GAREM1: variants seen among roughly 807,000 people sequenced by gnomAD.
GAREM1 encodes the protein GRB2 associated regulator of MAPK1 subtype 1.
GAREM1 carries 26 observed loss-of-function variants against 71.3 expected under a neutral mutation model. That is an observed-to-expected ratio of 0.36 (90% CI 0.27 to 0.51). The LOEUF (loss-of-function observed/expected upper bound fraction) is 0.51. Among genes scored for constraint, GAREM1 ranks in the 20% least tolerant of loss-of-function variants. The pLI is 0.95. For synonymous variants in GAREM1, 440 were observed against 433.2 expected (o/e 1.02, Z -0.20); for missense variants, 1,026 against 1,103.1 (o/e 0.93, Z 0.99).
chr18:32,299,256 T>C (rs376108776), intron 3 of GAREM1, among the ~76,000 whole-genome samples: 4 of 152,122 alleles, frequency 2.6e-5, no homozygotes, highest in African/African-American at 9.7e-5. Context: ...GGCTCATGCC[T>C]GTAATCCCAG....
chr18:32,470,267 C>T lies in GAREM1; in HGVS notation c.121+41G>A. ...CGCGCGCACACCCGCGTGGAGACGG[C>T]TGTCCTCGCCCGTCTGCCCCGCGCC... On this transcript the variant is annotated intron_variant, in intron 1 of 5. Transcript: ENST00000269209. The surrounding 1 kb of genome is among the most constrained non-coding windows in gnomAD (Gnocchi z 4.4). 6.9e-7 allele frequency: 1 copy of T among 1,456,578 alleles called. No individual in the cohort carries two copies. Among genetic ancestry groups the T allele is most frequent in the Non-Finnish European group, 9.1e-7 (1 of 1,098,862 alleles). 90.2% of individuals were successfully genotyped at this position (1,456,578 alleles called of 1,614,324 possible).
chr18:32,449,107 G>A (rs1020162637), intron 1 of GAREM1, among the ~76,000 whole-genome samples: 3 of 152,172 alleles, frequency 2.0e-5, no homozygotes, highest in South Asian at 2.1e-4. Context: ...TGGCTTCTCC[G>A]CTTTTCAGCC....
intron 1 of GAREM1, among the ~76,000 whole-genome samples, chr18:32,396,021 G>T (rs192063856): frequency 6.6e-6 from 1 of 152,212 alleles, no homozygotes. Flanking sequence ...TCGCTGTTCT[G>T]CAGCCTCCAC....
At chr18:32,374,774 T>C (rs2048016836) in intron 2 of GAREM1, among the ~76,000 whole-genome samples, 1 of 152,214 alleles carries the variant, frequency 6.6e-6, no homozygotes, top group Non-Finnish European at 1.5e-5. Flanking sequence ...GTATCTACCG[T>C]GTACCTGGCA....
In GAREM1 at chr18:32,287,224, A is replaced by G; in HGVS notation, c.1373T>C (p.Leu458Pro). 5.0e-6 allele frequency: 8 copies of G among 1,614,212 alleles called. No homozygotes were observed. The highest frequency in any genetic ancestry group is 6.8e-6 in the Non-Finnish European group (8 of 1,180,030). Reference protein sequence around the residue: ...KSELPYEELWLEEGKPSHQPL... With the variant: ...KSELPYEELWPEEGKPSHQPL... ...CTGATGGCTGGGCTTGCCTTCCTCCAGCCACAGCTCTTCGTAGGGAAGTTC... is the reference window on the plus strand; with the variant it reads ...CTGATGGCTGGGCTTGCCTTCCTCCGGCCACAGCTCTTCGTAGGGAAGTTC... The change falls in exon 4 of 6, where the codon CTG becomes CCG. Residue 458 changes from leucine to proline, a missense_variant. By Grantham distance (98) the Leu-to-Pro change is moderately conservative. Coordinates refer to ENST00000269209, the MANE Select transcript of GAREM1 (RefSeq NM_001242409.2). The surrounding 1 kb of genome is among the most constrained non-coding windows in gnomAD (Gnocchi z 5.9).
At position 32,309,074 on chromosome 18, in the gene GAREM1, G is replaced by GTGA. The variant is rs1225652334; in HGVS notation, c.393+1118_393+1119insTCA. 7.3e-5 allele frequency among the ~76,000 whole-genome samples: 11 copies of GTGA among 150,278 alleles called. 2 individuals carry two copies. The highest frequency in any genetic ancestry group is 2.5e-4 in the African/African-American group (10 of 40,544). On this transcript the variant is annotated intron_variant, in intron 3 of 5. Coordinates refer to ENST00000269209, the MANE Select transcript of GAREM1 (RefSeq NM_001242409.2). ...ATCTTGACCCCCTAAATCTTGAAATGTTTGGAAAATGTGATTTAGGTGGAC... is the reference window on the plus strand; with the variant it reads ...ATCTTGACCCCCTAAATCTTGAAATGTGATTTGGAAAATGTGATTTAGGTGGAC...
intron 1 of GAREM1, among the ~76,000 whole-genome samples, chr18:32,453,301 G>A (rs909708964): frequency 1.3e-5 from 2 of 152,088 alleles, no homozygotes; most frequent in Non-Finnish European, 2.9e-5. Context: ...GGAATTAGGA[G>A]AGCTACAATT....
At chr18:32,363,998 AT>A (rs2047894149) in intron 2 of GAREM1, among the ~76,000 whole-genome samples, 1 of 28,904 alleles carries the variant, frequency 3.5e-5, no homozygotes, top group African/African-American at 2.3e-4. Flanking sequence ...ATATATACAT[AT>A]ATATATATAT....
chr18:32,285,068 C>T (rs1049741515), intron 4 of GAREM1, among the ~76,000 whole-genome samples: 6 of 152,036 alleles, frequency 3.9e-5, no homozygotes, highest in Non-Finnish European at 8.8e-5. Flanking sequence ...ACTTTTTACC[C>T]GGCTTTTGAT....
intron 1 of GAREM1, among the ~76,000 whole-genome samples, chr18:32,433,446 A>G (rs977468658): frequency 6.6e-6 from 1 of 151,174 alleles, no homozygotes. Flanking sequence ...GCAATTAAGG[A>G]CAAAAAAAAA....
At chr18:32,433,412 A>G (rs1176110134) in intron 1 of GAREM1, among the ~76,000 whole-genome samples, 4 of 151,752 alleles carry the variant, frequency 2.6e-5, no homozygotes, top group African/African-American at 9.7e-5. Context: ...CTTATTCAAC[A>G]TAATACTAGA....
intron 2 of GAREM1, among the ~76,000 whole-genome samples, chr18:32,377,315 A>C (rs2048039863): frequency 6.6e-6 from 1 of 152,194 alleles, no homozygotes; most frequent in Non-Finnish European, 1.5e-5. Context: ...GATGAACTTG[A>C]GTCTCCGCCA....
At chr18:32,330,107 A>G (rs1488546890) in intron 2 of GAREM1, among the ~76,000 whole-genome samples, 1 of 152,250 alleles carries the variant, frequency 6.6e-6, no homozygotes, top group East Asian at 1.9e-4. Context: ...GAATCAACAT[A>G]AGGGCCCATC....
At chr18:32,273,835 T>C (rs1285294599) in intron 4 of GAREM1, among the ~76,000 whole-genome samples, 1 of 152,178 alleles carries the variant, frequency 6.6e-6, no homozygotes, top group East Asian at 1.9e-4. Context: ...TTTTCTGTTG[T>C]GATGGGAGGG....
chr18:32,379,172 G>C (rs966167663), intron 2 of GAREM1, among the ~76,000 whole-genome samples: 1 of 152,050 alleles, frequency 6.6e-6, no homozygotes, highest in Non-Finnish European at 1.5e-5. Flanking sequence ...TAAAAGCCCT[G>C]GCCCAGATAC....
chr18:32,465,986 GAAAC>G (rs1258209876), intron 1 of GAREM1, among the ~76,000 whole-genome samples: 3 of 152,166 alleles, frequency 2.0e-5, no homozygotes, highest in African/African-American at 7.2e-5. Flanking sequence ...CTTGGGTAGA[GAAAC>G]AAACAAAGGA....
At chr18:32,370,588 TA>T (rs1243587818) in intron 2 of GAREM1, among the ~76,000 whole-genome samples, 1 of 152,196 alleles carries the variant, frequency 6.6e-6, no homozygotes, top group Non-Finnish European at 1.5e-5. Context: ...AATTCCAACA[TA>T]AAGTAAACAT....
intron 2 of GAREM1, among the ~76,000 whole-genome samples, chr18:32,371,594 G>A (rs750850191): frequency 1.3e-5 from 2 of 152,146 alleles, no homozygotes; most frequent in Non-Finnish European, 2.9e-5. Flanking sequence ...CACCAAACAG[G>A]ATACAGGAAG....
chr18:32,355,334 C>T (rs2047793776), intron 2 of GAREM1, among the ~76,000 whole-genome samples: 1 of 152,054 alleles, frequency 6.6e-6, no homozygotes, highest in African/African-American at 2.4e-5. Flanking sequence ...CTGCCTAGAA[C>T]CCTATCTATG....
Sources: allele counts gnomAD v4.1 joint callset (sites outside exome capture counted in the v4.1 genomes callset), GRCh38; gene constraint gnomAD v4.1.1; non-coding constraint Gnocchi (gnomAD v3.1); transcripts MANE v1.5; gene names NCBI Gene and HGNC (gene_info 2026-07-23, HGNC 2026-07-21).